PKD1L3: variants seen among roughly 807,000 people sequenced by gnomAD.
PKD1L3 encodes the protein polycystin 1 like 3, transient receptor potential channel interacting, also known as polycystin-1-like protein 3.
A neutral mutation model predicts 184.1 loss-of-function variants in PKD1L3; 239 were observed. The observed-to-expected ratio is 1.30, with a 90% confidence interval of 1.17 to 1.45. The LOEUF is 1.45. Among genes scored for constraint, PKD1L3 ranks in the 40% most tolerant of loss-of-function variants. PKD1L3 has a pLI of 0.00. For synonymous variants in PKD1L3, 996 were observed against 778.8 expected, an observed-to-expected ratio of 1.28 and a Z score of -4.64; for missense variants, 2,660 against 2,067.2, an observed-to-expected ratio of 1.29 and a Z score of -5.56.
intron 5 of PKD1L3, among the ~76,000 whole-genome samples, chr16:71,984,842 G>C (rs755792720): frequency 6.6e-6 from 1 of 152,190 alleles, no homozygotes; most frequent in Non-Finnish European, 1.5e-5. Context: ...CTGGGCGACA[G>C]ATCGAGAATC....
intron 13 of PKD1L3, 81 bp from the exon 14 acceptor site, chr16:71,968,088 G>A (rs1016162549): frequency 1.8e-6 from 2 of 1,139,282 alleles, no homozygotes; most frequent in Middle Eastern, 2.7e-4. Flanking sequence ...GGAGCAGGAG[G>A]ATGAACTCCG....
chr16:71,966,489 G>A (rs1243317940), intron 15 of PKD1L3, among the ~76,000 whole-genome samples: 2 of 148,842 alleles, frequency 1.3e-5, no homozygotes, highest in Non-Finnish European at 3.0e-5. Context: ...GTGCAGTGGT[G>A]CAGACATGCT....
Position 71,945,691 on chromosome 16 carries a change from T to A in PKD1L3, c.3719-1521A>T, listed in dbSNP as rs2038577518. 5.9e-5 allele frequency among the ~76,000 whole-genome samples: 9 copies of A among 151,506 alleles called. No individual in the cohort carries two copies. The South Asian group carries it at 1.9e-3, about 32-fold the overall frequency. On this transcript the variant is annotated intron_variant, in intron 22 of 29. Transcript: ENST00000620267. ...AGACTCCATCTCATAAATAAATAAATAAAAATAAAAATAACTAGAGGAGGG... is the reference window on the plus strand; with the variant it reads ...AGACTCCATCTCATAAATAAATAAAAAAAAATAAAAATAACTAGAGGAGGG...
In PKD1L3 at chr16:71,964,309, CTTTTTTTTTTTTTTTTTTTTTTTTTTTT is replaced by C. The variant is rs772995457; in HGVS notation, c.2466-986_2466-959del. On this transcript the variant is annotated intron_variant, in intron 15 of 29. Coordinates refer to ENST00000620267, the MANE Select transcript of PKD1L3 (RefSeq NM_181536.2). ...CCACTTAAATTTCTCTCGTCAAAATCTTTTTTTTTTTTTTTTTTTTTTTTTTTTTTTTTTTTTTTTTTTTTTTGAGACA... is the reference window on the plus strand; with the variant it reads ...CCACTTAAATTTCTCTCGTCAAAATCTTTTTTTTTTTTTTTTTTTGAGACA... Among the ~76,000 whole-genome samples, 132 of 56,652 alleles carry C rather than the reference CTTTTTTTTTTTTTTTTTTTTTTTTTTTT, an allele frequency of 2.3e-3. 1 individual carries two copies. Among genetic ancestry groups the C allele is most frequent in the Non-Finnish European group, 2.8e-3 (88 of 31,094 alleles). 37.2% of individuals were successfully genotyped at this position (56,652 alleles called of 152,430 possible).
At chr16:71,994,069 T>C (rs2040692749) in intron 2 of PKD1L3, among the ~76,000 whole-genome samples, 1 of 152,214 alleles carries the variant, frequency 6.6e-6, no homozygotes, top group African/African-American at 2.4e-5. Flanking sequence ...CACGCCCGTC[T>C]GGCAATAACA....
At chr16:71,966,575 C>G (rs868865044) in intron 15 of PKD1L3, among the ~76,000 whole-genome samples, 14 of 151,978 alleles carry the variant, frequency 9.2e-5, no homozygotes, top group African/African-American at 2.9e-4. Context: ...TATAGGTGCA[C>G]ACAACCATGC....
chr16:71,991,302 A>T (rs1691672266), intron 3 of PKD1L3: 4 of 228,228 alleles, frequency 1.8e-5, no homozygotes, highest in Admixed American at 1.7e-4. Flanking sequence ...TTGTGAGAAG[A>T]CATGGCAAGA....
At chr16:71,986,105 A>T (rs990804861) in intron 5 of PKD1L3, 116 bp downstream of exon 5, 2 of 1,343,048 alleles carry the variant, frequency 1.5e-6, no homozygotes, top group Non-Finnish European at 2.0e-6. Context: ...TTGGATTGGC[A>T]TATACGCTGG....
intron 24 of PKD1L3, among the ~76,000 whole-genome samples, chr16:71,940,271 C>G (rs1287508353): frequency 6.6e-6 from 1 of 152,142 alleles, no homozygotes. Context: ...GGGGCACCAG[C>G]TACCTCTGAG....
chr16:71,944,763 A>G (rs537274990), intron 22 of PKD1L3, among the ~76,000 whole-genome samples: 143 of 146,668 alleles, frequency 9.7e-4, no homozygotes, highest in Middle Eastern at 3.5e-3. Flanking sequence ...GCAATGCATG[A>G]TCTTGGCTCA....
At position 71,977,263 on chromosome 16, in the gene PKD1L3, G is replaced by C. The variant is rs139831076; in HGVS notation, c.1732C>G (p.Leu578Val). Reference protein sequence around the residue: ...NCTHFHLNITLPKDKVWQKDE... With the variant: ...NCTHFHLNITVPKDKVWQKDE... Reference sequence around the variant, plus strand: ...TTTTGCCACACCTTATCCTTTGGAAGGGTGATGTTCAGGTGGAAGTGAGTG... The same window carrying C: ...TTTTGCCACACCTTATCCTTTGGAACGGTGATGTTCAGGTGGAAGTGAGTG... Residue 578 changes from leucine (L) to valine (V), a missense_variant, in exon 11 of 30, where the codon CTT (leucine) becomes GTT (valine). Leu to Val is a conservative substitution (Grantham distance 32). Transcript: ENST00000620267. 7,057 of 1,532,770 alleles carry C rather than the reference G, an allele frequency of 4.6e-3. 22 individuals are homozygous for C. The highest frequency in any genetic ancestry group is 5.5e-3 in the Non-Finnish European group (6,158 of 1,129,808). 94.9% of individuals were successfully genotyped at this position (1,532,770 alleles called of 1,614,324 possible).
At position 71,949,921 on chromosome 16, in the gene PKD1L3, G is replaced by A. The variant is rs1427443360; in HGVS notation, c.3480C>T (p.Leu1160=). 3 of 1,551,720 alleles carry A rather than the reference G, an allele frequency of 1.9e-6. No homozygotes were observed. Residue 1160 remains leucine, a synonymous_variant, in exon 21 of 30, where the codon CTC becomes CTT. Transcript: ENST00000620267. ...CTGAAGCCAGGCTAGTGAAACCTAAGAGGAGCCAGCAGACTGAAGTCAACC... is the reference window on the plus strand; with the variant it reads ...CTGAAGCCAGGCTAGTGAAACCTAAAAGGAGCCAGCAGACTGAAGTCAACC... ...SKWLTSVCWL[L]LGFTSLASAF...
intron 12 of PKD1L3, among the ~76,000 whole-genome samples, chr16:71,971,114 A>T (rs1050151266): frequency 6.6e-5 from 10 of 152,146 alleles, no homozygotes; most frequent in African/African-American, 2.4e-4. Context: ...TCCCCCCTCA[A>T]ATTCAGGCCA....
intron 25 of PKD1L3, 38 bp from the exon 26 acceptor site, chr16:71,935,556 G>C: frequency 6.5e-7 from 1 of 1,541,368 alleles, no homozygotes; most frequent in Non-Finnish European, 8.8e-7. Flanking sequence ...GCTTGTCTGA[G>C]AGATTAGCTA....
At chr16:71,970,246 T>C (rs1473334039) in intron 12 of PKD1L3, 141 bp from the exon 13 acceptor site, 2 of 670,442 alleles carry the variant, frequency 3.0e-6, no homozygotes, top group African/African-American at 3.6e-5. Context: ...TAAATTGGTA[T>C]AACCAATGTG....
Position 71,950,111 on chromosome 16 carries a change from G to C in PKD1L3, c.3383+7C>G, listed in dbSNP as rs149021406. On this transcript the variant is annotated splice_region_variant and intron_variant, in intron 20 of 29. Transcript: ENST00000620267. Reference sequence around the variant, plus strand: ...GGGGATAAAGAAGGCTTGGTGTGGTGCATTACCTGGATGGCTCTTGCTCCG... The same window carrying C: ...GGGGATAAAGAAGGCTTGGTGTGGTCCATTACCTGGATGGCTCTTGCTCCG... The C allele has an allele frequency of 6.1e-5, 94 of 1,551,188 alleles. No individual in the cohort carries two copies. In the East Asian group the frequency reaches 2.2e-3, roughly 36 times the overall value.
intron 2 of PKD1L3, among the ~76,000 whole-genome samples, chr16:71,996,995 T>A (rs897210860): frequency 6.7e-6 from 1 of 150,180 alleles, no homozygotes; most frequent in Non-Finnish European, 1.5e-5. Flanking sequence ...AAAGCGAGGT[T>A]ATCACCTGAC....
At position 71,942,608 on chromosome 16, in the gene PKD1L3, C is replaced by A; in HGVS notation, c.4276G>T (p.Glu1426Ter). The change falls in exon 24 of 30, where the codon GAA becomes TAA. Residue 1426 changes from glutamate (E) to a stop codon, truncating the protein, a stop_gained. Coordinates refer to ENST00000620267, the MANE Select transcript of PKD1L3 (RefSeq NM_181536.2). LOFTEE classifies it high-confidence loss of function. ...TTCTCATTCTTGCTTGTCAGCCTTT[C>A]GTGAAGCTCATCAGTGGGAATCAGC... is the stretch of plus-strand genomic sequence containing the variant. ...MVLIPTDELH[E>*]RLTSKNENGF... 6.4e-7 allele frequency: 1 copy of A among 1,551,676 alleles called. No individual in the cohort carries two copies.
chr16:71,961,412 C>T (rs1302319202), intron 16 of PKD1L3, among the ~76,000 whole-genome samples: 1 of 152,172 alleles, frequency 6.6e-6, no homozygotes, highest in Non-Finnish European at 1.5e-5. Flanking sequence ...AGTGAGACAC[C>T]GTACCTTGGC....
Sources: gnomAD v4.1 joint callset for allele counts (sites outside exome capture counted in the v4.1 genomes callset) on GRCh38, gnomAD v4.1.1 for gene constraint, MANE v1.5 for transcripts, NCBI Gene and HGNC (gene_info 2026-07-23, HGNC 2026-07-21) for gene names.